ADAMTS9: variants seen among roughly 807,000 people sequenced by gnomAD.
ADAMTS9 encodes ADAM metallopeptidase with thrombospondin type 1 motif 9.
A neutral mutation model predicts 257.1 loss-of-function variants in ADAMTS9; 107 were observed. That is an observed-to-expected ratio of 0.42 (90% CI 0.36 to 0.49). The LOEUF (loss-of-function observed/expected upper bound fraction) is 0.49. Ranked by LOEUF, ADAMTS9 falls within the 20% of genes least tolerant of loss-of-function variation. The pLI, the probability that ADAMTS9 is intolerant of heterozygous loss-of-function variation, is 0.03. For synonymous variants in ADAMTS9, 982 were observed against 880.9 expected, an observed-to-expected ratio of 1.11 and a Z score of -2.03; for missense variants, 2,353 against 2,469.1, an observed-to-expected ratio of 0.95 and a Z score of 1.00.
chr3:64,527,372 T>TAAA (rs2082923333), intron 38 of ADAMTS9, among the ~76,000 whole-genome samples: 2 of 152,156 alleles, frequency 1.3e-5, no homozygotes, highest in African/African-American at 4.8e-5. Context: ...GCAGATTGGC[T>TAAA]TCTTTGATTT....
intron 28 of ADAMTS9, among the ~76,000 whole-genome samples, chr3:64,593,159 TG>T (rs1293026741): frequency 6.6e-6 from 1 of 152,160 alleles, no homozygotes; most frequent in Admixed American, 6.5e-5. Flanking sequence ...GTGGAGATAA[TG>T]CTCCAAATTC....
chr3:64,567,096 A>G (rs2106675646), intron 29 of ADAMTS9, among the ~76,000 whole-genome samples: 1 of 152,326 alleles, frequency 6.6e-6, no homozygotes, highest in South Asian at 2.1e-4. Flanking sequence ...CTGAGGAATG[A>G]TGACTGGAGG....
chr3:64,595,851 T>G (rs1353115971), intron 27 of ADAMTS9, among the ~76,000 whole-genome samples: 1 of 152,172 alleles, frequency 6.6e-6, no homozygotes, highest in Non-Finnish European at 1.5e-5. Flanking sequence ...TTTTATTTGA[T>G]AAATGTTATA....
At chr3:64,587,647 T>A (rs900699270) in intron 28 of ADAMTS9, 1 of 152,144 alleles carries the variant, frequency 6.6e-6, no homozygotes, top group African/African-American at 2.4e-5. Context: ...GGGATGCAGA[T>A]CTTGCTAAGA....
At chr3:64,547,066 C>T (rs2083210243) in intron 31 of ADAMTS9, 114 bp from the exon 32 acceptor site, 15 of 913,082 alleles carry the variant, frequency 1.6e-5, no homozygotes, top group Non-Finnish European at 1.6e-6. Flanking sequence ...CAGAAAGCTC[C>T]CACTTCATTA....
intron 3 of ADAMTS9, among the ~76,000 whole-genome samples, chr3:64,662,160 T>C (rs1003559842): frequency 1.3e-5 from 2 of 152,114 alleles, no homozygotes; most frequent in East Asian, 3.9e-4. Flanking sequence ...GCTTTCTCCT[T>C]TGAATCATTG....
chr3:64,599,838 G>A (rs955967527), intron 26 of ADAMTS9, among the ~76,000 whole-genome samples: 2 of 152,116 alleles, frequency 1.3e-5, no homozygotes, highest in African/African-American at 4.8e-5. Flanking sequence ...TTTACATATT[G>A]TCTATGCCTG....
chr3:64,545,722 C>T (rs2083188461), intron 32 of ADAMTS9, among the ~76,000 whole-genome samples: 1 of 152,110 alleles, frequency 6.6e-6, no homozygotes, highest in African/African-American at 2.4e-5. Context: ...CATACCTGCA[C>T]TTTGTATACA....
rs187855070 is a variant in ADAMTS9 at position 64,604,165 on chromosome 3, G to C, written c.3579+62C>G. 78 of 1,599,522 alleles carry C rather than the reference G, an allele frequency of 4.9e-5. No homozygotes were observed. In the African/African-American group the frequency reaches 9.6e-4, roughly 20 times the overall value. ...ACTGGACAGTAGCCCACTTTCTATA[G>C]CCATGTCTGAGAATGTTAGCCCCCA... On this transcript the variant is annotated intron_variant, in intron 24 of 39. Coordinates refer to ENST00000498707, the MANE Select transcript of ADAMTS9 (RefSeq NM_182920.2).
Position 64,616,155 on chromosome 3 carries a change from G to C in ADAMTS9, c.2829C>G (p.Ser943Arg), listed in dbSNP as rs748639904. ...TDCDLRWHVA[S>R]RSECSAQCGL... is the part of the protein sequence containing the mutation. ...CACACTGGGCACTACATTCACTCCT[G>C]CTGGCAACATGCCACCTATGCAAAA... Residue 943 changes from serine to arginine, a missense_variant, in exon 20 of 40, where the codon AGC becomes AGG. This residue lies in a region of ADAMTS9 where 1,402 missense variants were observed against 1,441.4 expected (regional missense o/e 0.97). Transcript: ENST00000498707. 1.2e-6 allele frequency: 2 copies of C among 1,614,008 alleles called. No individual in the cohort carries two copies. Among genetic ancestry groups the C allele is most frequent in the Admixed American group, 3.3e-5 (2 of 60,004 alleles).
chr3:64,580,237 T>C (rs1013967782), intron 28 of ADAMTS9, among the ~76,000 whole-genome samples: 2 of 152,208 alleles, frequency 1.3e-5, no homozygotes, highest in African/African-American at 4.8e-5. Context: ...AACTGAAGAT[T>C]CACTCTTCTG....
intron 2 of ADAMTS9, chr3:64,685,050 A>T (rs1486127731): frequency 6.6e-6 from 1 of 152,016 alleles, no homozygotes; most frequent in East Asian, 1.9e-4. Context: ...GGCAGCGATG[A>T]CTCACTGCAG....
chr3:64,631,701 G>A, intron 15 of ADAMTS9, 107 bp downstream of exon 15: 1 of 1,219,576 alleles, frequency 8.2e-7, no homozygotes. Context: ...ACCATAACGA[G>A]ACTGATTTTT....
chr3:64,518,764 ATTTTTTTTTTTTTTT>A (rs61286740), intron 39 of ADAMTS9, among the ~76,000 whole-genome samples: 4 of 65,292 alleles, frequency 6.1e-5, no homozygotes, highest in African/African-American at 2.0e-4. Flanking sequence ...TTACCTTTTC[ATTTTTTTTTTTTTTT>A]TTTTTTTTTT....
intron 22 of ADAMTS9, among the ~76,000 whole-genome samples, chr3:64,607,661 A>G (rs2084583781): frequency 6.6e-6 from 1 of 152,206 alleles, no homozygotes; most frequent in Admixed American, 6.5e-5. Context: ...CAGAAATGGC[A>G]GACTAGGGAG....
chr3:64,611,869 G>A (rs1027901648), intron 22 of ADAMTS9, among the ~76,000 whole-genome samples: 8 of 152,138 alleles, frequency 5.3e-5, no homozygotes, highest in Admixed American at 3.9e-4. Context: ...ATGAAGTTTC[G>A]TAACTAGGTA....
chr3:64,608,967 A>T (rs1011154520), intron 22 of ADAMTS9, among the ~76,000 whole-genome samples: 14 of 152,276 alleles, frequency 9.2e-5, no homozygotes, highest in Middle Eastern at 3.4e-3. Flanking sequence ...AGGCTGGCCC[A>T]ACATAAGAAA....
Position 64,616,134 on chromosome 3 carries a change from C to A in ADAMTS9, c.2850G>T (p.Gln950His), listed in dbSNP as rs749659474. Reference protein sequence around the residue: ...HVASRSECSAQCGLGYRTLDI... With the variant: ...HVASRSECSAHCGLGYRTLDI... ...CCAATGTGCGGTAACCCAAGCCACA[C>A]TGGGCACTACATTCACTCCTGCTGG... The change falls in exon 20 of 40, where the codon CAG becomes CAT. Residue 950 changes from glutamine to histidine, a missense_variant. Coordinates refer to ENST00000498707, the MANE Select transcript of ADAMTS9 (RefSeq NM_182920.2). The A allele has an allele frequency of 6.2e-7, 1 of 1,614,136 alleles. No individual in the cohort carries two copies. Among genetic ancestry groups the A allele is most frequent in the South Asian group, 1.1e-5 (1 of 91,086 alleles).
rs2084566963 is a variant in ADAMTS9, at chr3:64,606,991, C to T, written c.3443G>A (p.Cys1148Tyr). ...TYMSVVDDND[C>Y]NAATRPTDTQ... is the part of the protein sequence containing the mutation. ...ATCAGTTGGTCTAGTTGCTGCATTA[C>T]AGTCATTGTCATCTACCACTGACAT... Residue 1148 changes from cysteine (C) to tyrosine (Y), a missense_variant, in exon 23 of 40, where the codon TGT (cysteine) becomes TAT (tyrosine). Coordinates refer to ENST00000498707, the MANE Select transcript of ADAMTS9 (RefSeq NM_182920.2). 1 of 1,613,788 alleles carries T rather than the reference C, an allele frequency of 6.2e-7. No individual in the cohort carries two copies. Among genetic ancestry groups the T allele is most frequent in the African/African-American group, 1.3e-5 (1 of 74,920 alleles).
Sources: gnomAD v4.1 joint callset for allele counts (sites outside exome capture counted in the v4.1 genomes callset) on GRCh38, gnomAD v4.1.1 for gene constraint, gnomAD v4.1.1 regional missense constraint, MANE v1.5 for transcripts, NCBI Gene and HGNC (gene_info 2026-07-23, HGNC 2026-07-21) for gene names.